Variants in DPP6 observed in about 807,000 individuals in gnomAD.
DPP6 encodes A-type potassium channel modulatory protein DPP6.
A neutral mutation model predicts 122.6 loss-of-function variants in DPP6; 69 were observed. The observed-to-expected ratio is 0.56, with a 90% confidence interval of 0.46 to 0.69. DPP6 has a LOEUF of 0.69. Among genes scored for constraint, DPP6 ranks in the 30% least tolerant of loss-of-function variants. DPP6 has a pLI of 0.00. For synonymous variants in DPP6, 418 were observed against 433.1 expected (o/e 0.97, Z 0.43); for missense variants, 928 against 1,116.9 (o/e 0.83, Z 2.41).
intron 1 of DPP6, among the ~76,000 whole-genome samples, chr7:153,937,574 A>G (rs1326713710): frequency 1.3e-5 from 2 of 151,146 alleles, no homozygotes; most frequent in East Asian, 1.9e-4. Flanking sequence ...CAGCCTCCCA[A>G]GTAGCTGGGA....
chr7:154,438,469 C>CAAAA lies in DPP6; in HGVS notation c.244-7720_244-7717dup, dbSNP rs58978160. Among the ~76,000 whole-genome samples the CAAAA allele has an allele frequency of 8.1e-3, 304 of 37,518 alleles. 2 individuals carry two copies. Among genetic ancestry groups the CAAAA allele is most frequent in the African/African-American group, 0.016 (183 of 11,462 alleles). The allele number at this position is 37,518 out of a possible 152,430, so 24.6% of individuals were successfully genotyped here. On this transcript the variant is annotated intron_variant, in intron 1 of 25. Coordinates refer to ENST00000377770, the MANE Select transcript of DPP6 (RefSeq NM_130797.4). ...TGGGTGACAGAGTGAGACTCCAACT[C>CAAAA]AAAAAAAAAAAAAAAAAAAAAAAAA...
intron 6 of DPP6, among the ~76,000 whole-genome samples, chr7:154,667,554 C>G (rs555863379): frequency 1.5e-3 from 225 of 152,210 alleles, no homozygotes; most frequent in African/African-American, 4.9e-3. Context: ...GAAACTCTGT[C>G]TCTACTAAAA....
At chr7:154,052,048 C>G (rs1157462044), upstream of DPP6, among the ~76,000 whole-genome samples, 1 of 151,428 alleles carries the variant, frequency 6.6e-6, no homozygotes, top group East Asian at 2.0e-4. This position sits in a 1 kb window ranked among gnomAD's most constrained non-coding sequence, Gnocchi z 4.8. Context: ...CACCTTCAGT[C>G]GCCCCCTGGC....
intron 1 of DPP6, among the ~76,000 whole-genome samples, chr7:154,324,573 C>A (rs971460309): frequency 2.0e-5 from 3 of 152,310 alleles, no homozygotes; most frequent in Non-Finnish European, 4.4e-5. Flanking sequence ...CTTGATTGCA[C>A]TCACCTTTTG....
At chr7:153,865,113 T>A in the DPP6 span, among the ~76,000 whole-genome samples, 1 of 152,140 alleles carries the variant, frequency 6.6e-6, no homozygotes, top group Non-Finnish European at 1.5e-5. Context: ...TACCAGCATC[T>A]TACATGTAGT....
chr7:153,781,592 C>T, the DPP6 span, among the ~76,000 whole-genome samples: 13 of 152,144 alleles, frequency 8.5e-5, no homozygotes, highest in Non-Finnish European at 1.8e-4. Flanking sequence ...AGCTTTTCTG[C>T]TCATCTTAGG....
Position 154,708,006 on chromosome 7 carries a change from T to C in DPP6, c.763-19761T>C, listed in dbSNP as rs183417484. Among the ~76,000 whole-genome samples the C allele has an allele frequency of 6.1e-4, 93 of 152,292 alleles. No individual in the cohort carries two copies. In the Middle Eastern group the frequency reaches 0.01, roughly 17 times the overall value. ...CAAGCCAGTATAACAAAAGGTTGTGTATTTGCCCAGCTGAGCAGTGAAAAG... is the reference window on the plus strand; with the variant it reads ...CAAGCCAGTATAACAAAAGGTTGTGCATTTGCCCAGCTGAGCAGTGAAAAG... On this transcript the variant is annotated intron_variant, in intron 7 of 25. Coordinates refer to ENST00000377770, the MANE Select transcript of DPP6 (RefSeq NM_130797.4).
chr7:154,836,236 T>C (rs1239463910), intron 16 of DPP6, among the ~76,000 whole-genome samples: 2 of 152,230 alleles, frequency 1.3e-5, no homozygotes, highest in Non-Finnish European at 2.9e-5. Flanking sequence ...ATGCAGCCCC[T>C]TGCATGGAGG....
intron 1 of DPP6, among the ~76,000 whole-genome samples, chr7:154,180,582 G>A (rs1235247908): frequency 1.3e-5 from 2 of 148,252 alleles, no homozygotes; most frequent in Admixed American, 6.8e-5. Flanking sequence ...ATATATTCGA[G>A]TTTATATTAT....
intron 3 of DPP6, among the ~76,000 whole-genome samples, chr7:154,491,646 C>T (rs996754886): frequency 3.0e-4 from 46 of 152,316 alleles, no homozygotes; most frequent in African/African-American, 1.0e-3. Flanking sequence ...CCATCGCCAT[C>T]CACCTGTCTT....
intron 5 of DPP6, among the ~76,000 whole-genome samples, chr7:154,595,502 T>A (rs1001474567): frequency 1.1e-4 from 17 of 152,232 alleles, no homozygotes; most frequent in African/African-American, 3.9e-4. Flanking sequence ...TTTGCATCAA[T>A]GTGAGTCTTC....
At chr7:154,365,333 A>G (rs1188803263) in intron 1 of DPP6, among the ~76,000 whole-genome samples, 4 of 152,226 alleles carry the variant, frequency 2.6e-5, no homozygotes, top group Admixed American at 2.0e-4. Context: ...ATGAACCACA[A>G]TCATGATACG....
the DPP6 span, among the ~76,000 whole-genome samples, chr7:153,813,177 T>TTCCCCCCCC: frequency 9.8e-6 from 1 of 101,532 alleles, no homozygotes; most frequent in Non-Finnish European, 2.0e-5. Context: ...CCTTCCCCCA[T>TTCCCCCCCC]CCCCCCACCC....
At chr7:154,275,504 G>C (rs191506276) in intron 1 of DPP6, among the ~76,000 whole-genome samples, 1 of 152,298 alleles carries the variant, frequency 6.6e-6, no homozygotes, top group East Asian at 1.9e-4. Flanking sequence ...TCCAAACAGA[G>C]TTTAAAGATG....
chr7:154,114,010 A>T (rs1222187392), intron 1 of DPP6, among the ~76,000 whole-genome samples: 1 of 152,120 alleles, frequency 6.6e-6, no homozygotes, highest in Non-Finnish European at 1.5e-5. Context: ...AAGGCATCTA[A>T]ATGAGAAAAA....
At chr7:154,566,375 A>G (rs1007789535) in intron 4 of DPP6, among the ~76,000 whole-genome samples, 2 of 151,972 alleles carry the variant, frequency 1.3e-5, no homozygotes, top group Admixed American at 1.3e-4. Flanking sequence ...TCTGCCTCCC[A>G]GGTTCAAGTG....
chr7:154,502,782 T>G (rs759329155), intron 3 of DPP6, among the ~76,000 whole-genome samples: 5 of 152,138 alleles, frequency 3.3e-5, no homozygotes, highest in African/African-American at 4.8e-5. Flanking sequence ...TATTTTGTAG[T>G]TCGTAGGAAG....
intron 6 of DPP6, among the ~76,000 whole-genome samples, chr7:154,663,996 A>G (rs533725819): frequency 1.8e-4 from 18 of 101,336 alleles, no homozygotes; most frequent in African/African-American, 3.7e-4. Context: ...ATGAATCACC[A>G]TAGCGTATTG....
chr7:153,965,581 C>G (rs1030860498), intron 1 of DPP6, among the ~76,000 whole-genome samples: 1 of 152,276 alleles, frequency 6.6e-6, no homozygotes, highest in African/African-American at 2.4e-5. Flanking sequence ...GGCGCGATTT[C>G]AGCTCACTGC....
Sources: gnomAD v4.1 joint callset for allele counts (sites outside exome capture counted in the v4.1 genomes callset) on GRCh38, gnomAD v4.1.1 for gene constraint, Gnocchi (gnomAD v3.1) non-coding constraint, MANE v1.5 for transcripts, NCBI Gene and HGNC (gene_info 2026-07-23, HGNC 2026-07-21) for gene names.